Variants in DYNC1I1 observed in about 807,000 individuals in gnomAD.
DYNC1I1 encodes the protein cytoplasmic dynein 1 intermediate chain 1.
A neutral mutation model predicts 86.6 loss-of-function variants in DYNC1I1; 43 were observed. The observed-to-expected ratio is 0.50, with a 90% confidence interval of 0.39 to 0.64. DYNC1I1 has a LOEUF of 0.64. Among genes scored for constraint, DYNC1I1 ranks in the 30% least tolerant of loss-of-function variants. The probability of loss-of-function intolerance (pLI) is 0.00; values close to 1 mark genes in which losing one functional copy is unlikely to be tolerated. For synonymous variants in DYNC1I1, 262 were observed against 283.7 expected (o/e 0.92, Z 0.77); for missense variants, 604 against 788.8 (o/e 0.77, Z 2.81).
At chr7:95,837,216 A>T (rs1228710419) in intron 5 of DYNC1I1, among the ~76,000 whole-genome samples, 1 of 151,776 alleles carries the variant, frequency 6.6e-6, no homozygotes, top group African/African-American at 2.4e-5. Flanking sequence ...GGTCTGTTGG[A>T]GTACCCTGCC....
At chr7:95,939,555 CATT>C (rs1212526817) in intron 6 of DYNC1I1, among the ~76,000 whole-genome samples, 13 of 151,100 alleles carry the variant, frequency 8.6e-5, no homozygotes, top group African/African-American at 3.2e-4. Context: ...TATGTAATGG[CATT>C]CTTTGTCTCT....
intron 1 of DYNC1I1, among the ~76,000 whole-genome samples, chr7:95,793,654 G>T (rs1223392942): frequency 6.6e-6 from 1 of 152,172 alleles, no homozygotes; most frequent in African/African-American, 2.4e-5. Flanking sequence ...CTAAAAATAT[G>T]CTTATTTGAA....
chr7:95,987,186 G>A, intron 9 of DYNC1I1, 31 bp downstream of exon 9: 2 of 1,572,124 alleles, frequency 1.3e-6, no homozygotes, highest in South Asian at 1.1e-5. Context: ...GGGACAAACT[G>A]GGCTTGTGTT....
intron 6 of DYNC1I1, among the ~76,000 whole-genome samples, chr7:95,904,385 T>C (rs1791118918): frequency 6.6e-6 from 1 of 152,128 alleles, no homozygotes. Context: ...ATAAGTGATA[T>C]GCTTTGCCTA....
intron 9 of DYNC1I1, among the ~76,000 whole-genome samples, chr7:95,995,286 A>AAATAAATG (rs1272396179): frequency 6.6e-6 from 1 of 151,066 alleles, no homozygotes; most frequent in East Asian, 1.9e-4. Flanking sequence ...ATAAATAAAT[A>AAATAAATG]ATGTAGAATG....
At chr7:95,797,749 C>T (rs1189527356) in intron 1 of DYNC1I1, among the ~76,000 whole-genome samples, 1 of 152,170 alleles carries the variant, frequency 6.6e-6, no homozygotes, top group African/African-American at 2.4e-5. Flanking sequence ...CCACAATTAC[C>T]TGAAGAGGCT....
At position 95,804,340 on chromosome 7, in the gene DYNC1I1, C is replaced by A. The variant is rs373982832; in HGVS notation, c.-9-381C>A. On this transcript the variant is annotated intron_variant, in intron 1 of 16. Coordinates refer to ENST00000447467, the MANE Select transcript of DYNC1I1 (RefSeq NM_001135556.2). Reference sequence around the variant, plus strand: ...CTTTTCTCAGTGTGGGGATGAATTGCTCCATTATCATCTAAATTGGAAGTC... The same window carrying A: ...CTTTTCTCAGTGTGGGGATGAATTGATCCATTATCATCTAAATTGGAAGTC... 3.9e-6 allele frequency: 5 copies of A among 1,273,960 alleles called. No homozygotes were observed. In the African/African-American group the frequency reaches 7.7e-5, roughly 20 times the overall value. The allele number at this position is 1,273,960 out of a possible 1,614,324, so 78.9% of individuals were successfully genotyped here.
intron 5 of DYNC1I1, among the ~76,000 whole-genome samples, chr7:95,830,231 A>G (rs1215519681): frequency 6.6e-6 from 1 of 152,110 alleles, no homozygotes; most frequent in East Asian, 1.9e-4. Flanking sequence ...TAAATAAACT[A>G]CACATATTAA....
At chr7:95,785,805 ATATATATATATATT>A (rs1445889694) in intron 1 of DYNC1I1, among the ~76,000 whole-genome samples, 1 of 109,980 alleles carries the variant, frequency 9.1e-6, no homozygotes, top group African/African-American at 3.6e-5. Flanking sequence ...ATATATATAT[ATATATATATATATT>A]ATATATAACA....
downstream of DYNC1I1, among the ~76,000 whole-genome samples, chr7:96,102,348 A>G (rs1379462590): frequency 2.0e-5 from 3 of 152,190 alleles, no homozygotes; most frequent in Non-Finnish European, 4.4e-5. Context: ...GAATTAACTA[A>G]TGTACCAGAT....
intron 6 of DYNC1I1, among the ~76,000 whole-genome samples, chr7:95,965,925 T>G (rs1389676421): frequency 6.6e-6 from 1 of 152,188 alleles, no homozygotes; most frequent in Non-Finnish European, 1.5e-5. Flanking sequence ...GTTGCTATCA[T>G]GATCCCATCT....
At chr7:95,774,941 A>C (rs1793804535) in intron 1 of DYNC1I1, among the ~76,000 whole-genome samples, 1 of 152,200 alleles carries the variant, frequency 6.6e-6, no homozygotes, top group Non-Finnish European at 1.5e-5. Flanking sequence ...CATCTGTTTC[A>C]AAATCTGTTT....
At position 95,804,850 on chromosome 7, in the gene DYNC1I1, T is replaced by A; in HGVS notation, c.108+13T>A. 6.5e-7 allele frequency: 1 copy of A among 1,541,978 alleles called. No individual in the cohort carries two copies. The highest frequency in any genetic ancestry group is 1.2e-5 in the South Asian group (1 of 82,578). The stretch of plus-strand genomic sequence containing the variant: ...GAAAAAGAAAGAGGTAAATCCTGGG[T>A]GTTGGGGTGTTGTGGGGGAAAAAGG... On this transcript the variant is annotated intron_variant, in intron 2 of 16. Coordinates refer to ENST00000447467, the MANE Select transcript of DYNC1I1 (RefSeq NM_001135556.2).
chr7:95,943,283 A>G (rs1584185182), intron 6 of DYNC1I1, among the ~76,000 whole-genome samples: 1 of 151,456 alleles, frequency 6.6e-6, no homozygotes, highest in Non-Finnish European at 1.5e-5. Flanking sequence ...ATTGCTTCAA[A>G]GAGAATAAAA....
At chr7:95,858,843 A>C (rs1789796719) in intron 5 of DYNC1I1, among the ~76,000 whole-genome samples, 1 of 148,874 alleles carries the variant, frequency 6.7e-6, no homozygotes, top group African/African-American at 2.5e-5. Flanking sequence ...TATTCTGTGA[A>C]TCCCATAAGC....
chr7:96,061,464 T>C (rs1411953527), intron 14 of DYNC1I1, among the ~76,000 whole-genome samples: 4 of 151,996 alleles, frequency 2.6e-5, no homozygotes, highest in South Asian at 2.1e-4. Context: ...TGGGTGGGCA[T>C]TGGGGAAAGT....
At chr7:95,869,546 G>C (rs1018197682) in intron 5 of DYNC1I1, among the ~76,000 whole-genome samples, 1 of 151,334 alleles carries the variant, frequency 6.6e-6, no homozygotes, top group Non-Finnish European at 1.5e-5. Flanking sequence ...CTAGAATCCT[G>C]TATTGCAAAT....
intron 10 of DYNC1I1, among the ~76,000 whole-genome samples, chr7:96,025,309 A>G (rs1794650310): frequency 6.6e-6 from 1 of 152,036 alleles, no homozygotes; most frequent in South Asian, 2.1e-4. Flanking sequence ...ATTTATTTTA[A>G]CATATATGTC....
chr7:95,963,042 A>G (rs1275315126), intron 6 of DYNC1I1, among the ~76,000 whole-genome samples: 2 of 152,132 alleles, frequency 1.3e-5, no homozygotes, highest in Non-Finnish European at 2.9e-5. Context: ...TCTACCTGCC[A>G]TTCACTGTTT....
Sources: gnomAD v4.1 joint callset for allele counts (sites outside exome capture counted in the v4.1 genomes callset) on GRCh38, gnomAD v4.1.1 for gene constraint, MANE v1.5 for transcripts, NCBI Gene and HGNC (gene_info 2026-07-23, HGNC 2026-07-21) for gene names.